Variants in THSD7B observed in about 807,000 individuals in gnomAD.
The protein encoded by THSD7B is thrombospondin type 1 domain containing 7B, also known as thrombospondin type-1 domain-containing protein 7B.
THSD7B carries 138 observed loss-of-function variants against 213.6 expected under a neutral mutation model. The ratio of observed to expected loss-of-function variants is 0.65; its 90% CI spans 0.56 to 0.74. The LOEUF is 0.74. Among genes scored for constraint, THSD7B ranks in the 30% least tolerant of loss-of-function variants. THSD7B has a pLI of 0.00. For missense variants in THSD7B, 1,931 were observed against 1,991.5 expected (o/e 0.97, Z 0.58); for synonymous variants, 742 against 687.0 (o/e 1.08, Z -1.25).
chr2:137,301,063 C>A (rs1683588627), intron 12 of THSD7B, among the ~76,000 whole-genome samples: 1 of 152,136 alleles, frequency 6.6e-6, no homozygotes, highest in South Asian at 2.1e-4. Context: ...GAATTTATAA[C>A]TTTTATTGTA....
chr2:137,025,060 A>G lies in THSD7B; in HGVS notation c.140-31360A>G, dbSNP rs144825584. ...AGCAGCCACAAGGATGAAGTAGCCC[A>G]TCCGTACCAGTCTTCTGCTCAGAAA... On this transcript the variant is annotated intron_variant, in intron 2 of 27. Transcript: ENST00000409968. Among the ~76,000 whole-genome samples the G allele has an allele frequency of 4.4e-3, 677 of 152,246 alleles. 6 individuals are homozygous for G. The highest frequency in any genetic ancestry group is 0.015 in the African/African-American group (619 of 41,554).
chr2:137,490,541 C>T (rs1012045073), intron 15 of THSD7B, among the ~76,000 whole-genome samples: 2 of 152,180 alleles, frequency 1.3e-5, no homozygotes, highest in African/African-American at 4.8e-5. Context: ...CCTGCACATA[C>T]ATCATGGTCT....
At chr2:137,316,158 G>T (rs1453941909) in intron 12 of THSD7B, among the ~76,000 whole-genome samples, 1 of 152,234 alleles carries the variant, frequency 6.6e-6, no homozygotes, top group Admixed American at 6.5e-5. Flanking sequence ...TATTTTCACA[G>T]ATCTGTTAGA....
chr2:136,770,872 C>T (rs1681492637), intron 1 of THSD7B, among the ~76,000 whole-genome samples: 1 of 151,862 alleles, frequency 6.6e-6, no homozygotes, highest in Admixed American at 6.6e-5. Flanking sequence ...TATCAAAACC[C>T]CTTTCATCTG....
At chr2:136,768,188 G>T (rs1558798828) in intron 1 of THSD7B, among the ~76,000 whole-genome samples, 1 of 152,142 alleles carries the variant, frequency 6.6e-6, no homozygotes, top group Non-Finnish European at 1.5e-5. Flanking sequence ...TTGTCTGCTT[G>T]CTACAGATCC....
chr2:136,999,119 G>A (rs1437929376), intron 2 of THSD7B, among the ~76,000 whole-genome samples: 1 of 152,034 alleles, frequency 6.6e-6, no homozygotes, highest in East Asian at 1.9e-4. Flanking sequence ...TTTGCCTGCA[G>A]AGTTCTCAAC....
intron 15 of THSD7B, among the ~76,000 whole-genome samples, chr2:137,522,335 A>G (rs1680200827): frequency 6.6e-6 from 1 of 152,202 alleles, no homozygotes; most frequent in African/African-American, 2.4e-5. Flanking sequence ...CTTTTGTAAC[A>G]TGAGTGAGTC....
intron 21 of THSD7B, among the ~76,000 whole-genome samples, chr2:137,655,279 A>G (rs544833651): frequency 6.6e-6 from 1 of 152,318 alleles, no homozygotes; most frequent in East Asian, 1.9e-4. Context: ...TTCTAAGTAC[A>G]TAGGTTCCAT....
chr2:137,275,497 A>C (rs1682849262), intron 11 of THSD7B, among the ~76,000 whole-genome samples: 2 of 151,540 alleles, frequency 1.3e-5, no homozygotes, highest in South Asian at 4.2e-4. Flanking sequence ...CTAACGCACC[A>C]GTGGGACACA....
At chr2:137,476,829 T>G (rs550921550) in intron 15 of THSD7B, among the ~76,000 whole-genome samples, 1 of 152,318 alleles carries the variant, frequency 6.6e-6, no homozygotes, top group Admixed American at 6.5e-5. Flanking sequence ...CATGATCCAC[T>G]GTGCCCAGCC....
At chr2:137,285,097 C>A (rs1683136974) in intron 12 of THSD7B, among the ~76,000 whole-genome samples, 1 of 151,994 alleles carries the variant, frequency 6.6e-6, no homozygotes, top group South Asian at 2.1e-4. Context: ...TATTGGGTGC[C>A]TATATATTTA....
Position 137,365,960 on chromosome 2 carries a change from C to T in THSD7B, c.2501-39653C>T, listed in dbSNP as rs1685396988. On this transcript the variant is annotated intron_variant, in intron 12 of 27. Transcript: ENST00000409968. ...TGGACATGTATGTTTATTGTGGCAC[C>T]ATTCACAATAGCAAAGACTTGGAAC... Among the ~76,000 whole-genome samples, 6 of 152,170 alleles carry T rather than the reference C, an allele frequency of 3.9e-5. No homozygotes were observed. The South Asian group carries it at 1.2e-3, about 32-fold the overall frequency.
chr2:137,282,330 A>G lies in THSD7B; in HGVS notation c.2500+6304A>G, dbSNP rs559848699. ...CCCTTTGTCAGATGAGTAGGTTGCA[A>G]AAGTTTTCTCCCGTTCTGTAGGTTG... On this transcript the variant is annotated intron_variant, in intron 12 of 27. Transcript: ENST00000409968. Among the ~76,000 whole-genome samples, 77 of 152,262 alleles carry G rather than the reference A, an allele frequency of 5.1e-4. 1 individual carries two copies. In the South Asian group the frequency reaches 0.01, roughly 21 times the overall value.
rs372631028 is a variant in THSD7B, at chr2:136,868,673, T to A, written c.-35-13471T>A. ...CAACAGCATTTGAGAAGAGGATGTT[T>A]TCTTGTTCACACATTCCAGTTATCT... On this transcript the variant is annotated intron_variant, in intron 1 of 27. Transcript: ENST00000409968. 3.9e-5 allele frequency among the ~76,000 whole-genome samples: 6 copies of A among 152,320 alleles called. No individual in the cohort carries two copies. The East Asian group carries it at 1.2e-3, about 29-fold the overall frequency.
At chr2:137,070,551 ATT>A (rs201274974) in intron 3 of THSD7B, among the ~76,000 whole-genome samples, 1 of 149,170 alleles carries the variant, frequency 6.7e-6, no homozygotes, top group South Asian at 2.1e-4. Context: ...AAAATTTTTT[ATT>A]TTTTTTTTAA....
At chr2:137,549,706 CT>C (rs1680809645) in intron 15 of THSD7B, among the ~76,000 whole-genome samples, 2 of 152,016 alleles carry the variant, frequency 1.3e-5, no homozygotes, top group South Asian at 2.1e-4. Flanking sequence ...CCGCCAGCCC[CT>C]GGCAACCACC....
intron 2 of THSD7B, among the ~76,000 whole-genome samples, chr2:137,035,943 C>T (rs1464416457): frequency 5.3e-5 from 8 of 152,086 alleles, no homozygotes; most frequent in Non-Finnish European, 1.2e-4. Context: ...ATAGCTTTGA[C>T]CTCAGAATTG....
intron 20 of THSD7B, among the ~76,000 whole-genome samples, chr2:137,636,077 C>T (rs1682827869): frequency 6.6e-6 from 1 of 152,160 alleles, no homozygotes; most frequent in African/African-American, 2.4e-5. Context: ...TCCTCATCAT[C>T]TGATATTCTT....
rs114332368 is a variant in THSD7B, at chr2:137,013,329, G to T, written c.140-43091G>T. ...ATGTAATGAGGTGAGTGCTACAGCT[G>T]CCTCAGTTTGGAGAGTTTCCAAGTC... On this transcript the variant is annotated intron_variant, in intron 2 of 27. Transcript: ENST00000409968. Among the ~76,000 whole-genome samples, 944 of 152,308 alleles carry T rather than the reference G, an allele frequency of 6.2e-3. 9 individuals carry two copies. The highest frequency in any genetic ancestry group is 0.022 in the African/African-American group (897 of 41,570).
Sources: allele counts gnomAD v4.1 joint callset (sites outside exome capture counted in the v4.1 genomes callset), GRCh38; gene constraint gnomAD v4.1.1; transcripts MANE v1.5; gene names NCBI Gene and HGNC (gene_info 2026-07-23, HGNC 2026-07-21).